FSHR: variants seen among roughly 807,000 people sequenced by gnomAD.
FSHR encodes the protein follicle stimulating hormone receptor.
Under a neutral mutation model 52.1 loss-of-function variants are expected in FSHR, and 46 were observed. The ratio of observed to expected loss-of-function variants is 0.88; its 90% confidence interval spans 0.70 to 1.13. FSHR has a LOEUF of 1.13. Among genes scored for constraint, FSHR ranks in the 50% most tolerant of loss-of-function variants. The probability of loss-of-function intolerance (pLI) is 0.00; values close to 1 mark genes in which losing one functional copy is unlikely to be tolerated. For synonymous variants in FSHR, 399 were observed against 309.6 expected, an observed-to-expected ratio of 1.29 and a Z score of -3.03; for missense variants, 964 against 834.6, an observed-to-expected ratio of 1.16 and a Z score of -1.91.
chr2:49,017,620 T>G, intron 3 of FSHR, 57 bp from the exon 4 acceptor site: 2 of 1,282,086 alleles, frequency 1.6e-6, no homozygotes, highest in Non-Finnish European at 2.3e-6. Flanking sequence ...GCTGTAGTAT[T>G]TTTCACATTT....
chr2:49,133,938 A>C (rs868049488), intron 1 of FSHR, among the ~76,000 whole-genome samples: 1 of 152,242 alleles, frequency 6.6e-6, no homozygotes, highest in Non-Finnish European at 1.5e-5. Flanking sequence ...TTAAAGGCTT[A>C]AATGTTAGAT....
intron 2 of FSHR, among the ~76,000 whole-genome samples, chr2:49,065,859 G>A (rs1356367939): frequency 6.6e-6 from 1 of 152,098 alleles, no homozygotes; most frequent in East Asian, 1.9e-4. Flanking sequence ...CAATCTGGGA[G>A]GTTAATAGGG....
At chr2:49,137,807 G>T (rs1672538703) in intron 1 of FSHR, among the ~76,000 whole-genome samples, 1 of 151,904 alleles carries the variant, frequency 6.6e-6, no homozygotes, top group African/African-American at 2.4e-5. Flanking sequence ...AACTAAAAAT[G>T]GATAAAAACC....
chr2:49,028,540 G>T (rs1411714334), intron 2 of FSHR, among the ~76,000 whole-genome samples: 1 of 152,224 alleles, frequency 6.6e-6, no homozygotes, highest in African/African-American at 2.4e-5. Context: ...TAAATATGTG[G>T]CATGGAATAG....
chr2:49,092,315 G>A lies in FSHR; in HGVS notation c.153-24025C>T, dbSNP rs148833469. On this transcript the variant is annotated intron_variant, in intron 1 of 9. Transcript: ENST00000406846. ...CTATGTAGACAATCAGGTAATTTAT[G>A]AACAGAGACAATTTTGTTCCTGTGT... is the stretch of plus-strand genomic sequence containing the variant. Among the ~76,000 whole-genome samples the A allele has an allele frequency of 4.2e-3, 633 of 152,228 alleles. 3 individuals carry two copies. The highest frequency in any genetic ancestry group is 0.013 in the African/African-American group (542 of 41,538).
intron 9 of FSHR, among the ~76,000 whole-genome samples, chr2:48,964,993 CAAAAA>C (rs200122416): frequency 0.027 from 3,867 of 142,774 alleles, 149 homozygotes; most frequent in African/African-American, 0.092. Flanking sequence ...TTTTTGGATG[CAAAAA>C]AAAAAAAAAA....
intron 8 of FSHR, 88 bp downstream of exon 8, chr2:48,982,824 T>C (rs1163753201): frequency 8.7e-7 from 1 of 1,155,170 alleles, no homozygotes; most frequent in Non-Finnish European, 1.3e-6. Flanking sequence ...CAGCCCTGTG[T>C]TGGAAGCTTC....
chr2:49,083,346 C>T (rs1287417452), intron 1 of FSHR, among the ~76,000 whole-genome samples: 4 of 150,564 alleles, frequency 2.7e-5, no homozygotes, highest in Admixed American at 6.6e-5. Context: ...CTGAAGGAAG[C>T]GCTAAACATG....
chr2:48,977,934 T>C (rs953697624), intron 8 of FSHR, among the ~76,000 whole-genome samples: 2 of 152,198 alleles, frequency 1.3e-5, no homozygotes, highest in Non-Finnish European at 2.9e-5. Context: ...TCTCTTCTAA[T>C]GATTTTGGTC....
intron 2 of FSHR, among the ~76,000 whole-genome samples, chr2:49,043,125 C>G (rs1019444788): frequency 6.6e-6 from 1 of 152,114 alleles, no homozygotes. Flanking sequence ...CAGACTCTTT[C>G]CCTTTATGGC....
chr2:48,994,946 G>A (rs1675956605), intron 4 of FSHR, among the ~76,000 whole-genome samples: 1 of 152,088 alleles, frequency 6.6e-6, no homozygotes, highest in African/African-American at 2.4e-5. Context: ...TCTCCAATCA[G>A]GATAAACTTA....
chr2:49,064,697 A>T (rs1030384301), intron 2 of FSHR, among the ~76,000 whole-genome samples: 2 of 152,266 alleles, frequency 1.3e-5, no homozygotes, highest in African/African-American at 2.4e-5. Context: ...GGTAAAAACA[A>T]CAGGACTTGG....
chr2:48,969,209 G>T (rs962588398), intron 8 of FSHR, among the ~76,000 whole-genome samples: 1 of 152,150 alleles, frequency 6.6e-6, no homozygotes, highest in Non-Finnish European at 1.5e-5. Flanking sequence ...CAGTCTATTT[G>T]TACCTGCTAA....
At chr2:49,021,886 T>TATATATATATATATAGAGAGAG (rs1273265515) in intron 2 of FSHR, among the ~76,000 whole-genome samples, 4 of 25,122 alleles carry the variant, frequency 1.6e-4, no homozygotes, top group Non-Finnish European at 2.2e-4. Context: ...TATATATATA[T>TATATATATATATATAGAGAGAG]AGAGAGAGAG....
intron 1 of FSHR, among the ~76,000 whole-genome samples, chr2:49,104,480 G>C (rs892561352): frequency 2.0e-5 from 3 of 152,084 alleles, no homozygotes; most frequent in Non-Finnish European, 4.4e-5. Flanking sequence ...GTCCATCAAG[G>C]CTTTTCTTTT....
Position 48,990,520 on chromosome 2 carries a change from C to T in FSHR, c.446+46G>A, listed in dbSNP as rs146638732. ...AGGCCCAGATAGCCGTTGGGCAAGA[C>T]AGATACTGAGTAAAGAGTTGGTAGT... On this transcript the variant is annotated intron_variant, in intron 5 of 9. Coordinates refer to ENST00000406846, the MANE Select transcript of FSHR (RefSeq NM_000145.4). 1,980 of 1,237,934 alleles carry T rather than the reference C, an allele frequency of 1.6e-3. 27 individuals are homozygous for T. Among genetic ancestry groups the T allele is most frequent in the South Asian group, 0.013 (1,126 of 83,472 alleles). 76.7% of individuals were successfully genotyped at this position (1,237,934 alleles called of 1,614,324 possible). A position where few individuals can be genotyped will look rare whatever the true frequency, so the allele number is the denominator to read the frequency against.
chr2:48,990,586 A>T lies in FSHR; in HGVS notation c.426T>A (p.His142Gln). ...IKHLPDVHKIHSLQKVLLDIQ... is the reference protein window; with the variant it reads ...IKHLPDVHKIQSLQKVLLDIQ... Reference sequence around the variant, plus strand: ...CTTACAGTAAAACTTTTTGGAGAGAATGAATCTTGTGAACATCTGGAAGGT... The same window carrying T: ...CTTACAGTAAAACTTTTTGGAGAGATTGAATCTTGTGAACATCTGGAAGGT... The change falls in exon 5 of 10, where the codon CAT becomes CAA. Residue 142 changes from histidine to glutamine, a missense_variant. Coordinates refer to ENST00000406846, the MANE Select transcript of FSHR (RefSeq NM_000145.4). 1 of 1,611,654 alleles carries T rather than the reference A, an allele frequency of 6.2e-7. No homozygotes were observed. Among genetic ancestry groups the T allele is most frequent in the South Asian group, 1.1e-5 (1 of 91,026 alleles).
chr2:48,991,510 G>T (rs1675778144), intron 4 of FSHR, among the ~76,000 whole-genome samples: 1 of 152,142 alleles, frequency 6.6e-6, no homozygotes, highest in Admixed American at 6.5e-5. Flanking sequence ...GTGACCCTAT[G>T]GTGTTAATTC....
chr2:49,141,077 A>C (rs1672668277), intron 1 of FSHR, among the ~76,000 whole-genome samples: 1 of 152,194 alleles, frequency 6.6e-6, no homozygotes, highest in Non-Finnish European at 1.5e-5. Context: ...ATAGGCATAC[A>C]TATTGCTCAA....
Sources: gnomAD v4.1 joint callset for allele counts (sites outside exome capture counted in the v4.1 genomes callset) on GRCh38, gnomAD v4.1.1 for gene constraint, MANE v1.5 for transcripts, NCBI Gene and HGNC (gene_info 2026-07-23, HGNC 2026-07-21) for gene names.